The following NFIC variants were observed in gnomAD, a reference collection of about 807,000 sequenced individuals.
NFIC encodes the protein nuclear factor 1 C-type.
In NFIC, 12 loss-of-function variants were observed where a neutral mutation model predicts 54.4. That is an observed-to-expected ratio of 0.22 (90% CI 0.14 to 0.36). The LOEUF (loss-of-function observed/expected upper bound fraction) is 0.36, where lower values mean the gene tolerates loss of function less well. NFIC is among the 10% of genes least tolerant of loss of function. The pLI is 1.00. For missense variants in NFIC, 575 were observed against 718.2 expected, an observed-to-expected ratio of 0.80 and a Z score of 2.28; for synonymous variants, 322 against 319.2, an observed-to-expected ratio of 1.01 and a Z score of -0.09.
At chr19:3,380,164 C>G (rs774015714) in intron 1 of NFIC, among the ~76,000 whole-genome samples, 17 of 150,280 alleles carry the variant, frequency 1.1e-4, no homozygotes, top group Non-Finnish European at 2.2e-4. Flanking sequence ...CCACGCCCGG[C>G]TAATTTTTTT....
At chr19:3,435,520 ACT>A (rs1599684433) in intron 6 of NFIC, among the ~76,000 whole-genome samples, 1 of 151,956 alleles carries the variant, frequency 6.6e-6, no homozygotes, top group Non-Finnish European at 1.5e-5. Flanking sequence ...CTCAGTAGTG[ACT>A]CTGATCAACA....
At chr19:3,388,322 G>T (rs934604160) in intron 2 of NFIC, among the ~76,000 whole-genome samples, 2 of 152,112 alleles carry the variant, frequency 1.3e-5, no homozygotes, top group Non-Finnish European at 2.9e-5. Flanking sequence ...AACACACATG[G>T]CGTGCCCTCT....
rs925353941 is a variant in NFIC at position 3,370,869 on chromosome 19, G to A, written c.30+4203G>A. On this transcript the variant is annotated intron_variant, in intron 1 of 10. Coordinates refer to ENST00000443272, the MANE Select transcript of NFIC (RefSeq NM_001245002.2). The surrounding 1 kb of genome is among the most constrained non-coding windows in gnomAD (Gnocchi z 5.2). ...CCACTCTCCTGCCTGTGTCCACGCC[G>A]ACCTCACCTGGGTGCCCATCTGCCC... Among the ~76,000 whole-genome samples the A allele has an allele frequency of 6.6e-6, 1 of 151,972 alleles. No homozygotes were observed. The highest frequency in any genetic ancestry group is 2.4e-5 in the African/African-American group (1 of 41,412).
intron 1 of NFIC, among the ~76,000 whole-genome samples, chr19:3,377,533 CTT>C (rs1364074630): frequency 6.6e-6 from 1 of 151,994 alleles, no homozygotes; most frequent in Non-Finnish European, 1.5e-5. Flanking sequence ...TTTTGCTTCT[CTT>C]TCTCTTCTTG....
At chr19:3,382,492 A>T (rs207476984) in intron 2 of NFIC, among the ~76,000 whole-genome samples, 1 of 147,820 alleles carries the variant, frequency 6.8e-6, no homozygotes, top group Non-Finnish European at 1.5e-5. Flanking sequence ...GAGAATATGT[A>T]AAGTAGGTGA....
At position 3,429,132 on chromosome 19, in the gene NFIC, A is replaced by AAT. The variant is rs766794936; in HGVS notation, c.634+3959_634+3960dup. On this transcript the variant is annotated intron_variant, in intron 3 of 10. Coordinates refer to ENST00000443272, the MANE Select transcript of NFIC (RefSeq NM_001245002.2). Reference sequence around the variant, plus strand: ...AGACCCTATCTCTACCCAAAAAAAAAATATACACACACACACACACACACA... The same window carrying AAT: ...AGACCCTATCTCTACCCAAAAAAAAAATATATACACACACACACACACACACA... 4.2e-3 allele frequency among the ~76,000 whole-genome samples: 285 copies of AAT among 67,434 alleles called. 8 individuals are homozygous for AAT. Among genetic ancestry groups the AAT allele is most frequent in the African/African-American group, 0.019 (275 of 14,808 alleles). The allele number at this position is 67,434 out of a possible 152,430, so 44.2% of individuals were successfully genotyped here.
chr19:3,382,653 TGTG>T (rs1453272208), intron 2 of NFIC, among the ~76,000 whole-genome samples: 4 of 130,586 alleles, frequency 3.1e-5, no homozygotes, highest in Admixed American at 1.5e-4. Context: ...GTAGATGTGA[TGTG>T]GTGGTCCAAG....
chr19:3,462,647 G>A, intron 10 of NFIC, 105 bp from the exon 11 acceptor site: 1 of 1,287,674 alleles, frequency 7.8e-7, no homozygotes, highest in Non-Finnish European at 1.1e-6. Context: ...CAGGAGGTGG[G>A]GGGTGAGCGT....
intron 2 of NFIC, among the ~76,000 whole-genome samples, chr19:3,421,112 A>G (rs2081947703): frequency 6.6e-6 from 1 of 152,228 alleles, no homozygotes; most frequent in African/African-American, 2.4e-5. Flanking sequence ...GAGAAGAGTG[A>G]GGCGCGGATG....
intron 2 of NFIC, among the ~76,000 whole-genome samples, chr19:3,407,462 GTC>G (rs1045065575): frequency 6.0e-5 from 9 of 149,996 alleles, no homozygotes; most frequent in African/African-American, 1.5e-4. Context: ...TTGAGATGGA[GTC>G]TCGCTCTGTC....
At chr19:3,419,680 T>C (rs2081922466) in intron 2 of NFIC, among the ~76,000 whole-genome samples, 1 of 151,738 alleles carries the variant, frequency 6.6e-6, no homozygotes, top group Non-Finnish European at 1.5e-5. Flanking sequence ...ACACCTGTAA[T>C]CTCAGCTACT....
chr19:3,381,395 C>CAA (rs71164686), intron 1 of NFIC, among the ~76,000 whole-genome samples: 3 of 100,918 alleles, frequency 3.0e-5, no homozygotes, highest in Non-Finnish European at 6.1e-5. Flanking sequence ...GACTCCGTCT[C>CAA]AAAAAAAAAA....
rs867407953 is a variant in NFIC, at chr19:3,459,701, G to A, written c.1510-3051G>A. ...AGGAGGGAGGAAGGGCTGAGGGGAG[G>A]CTGGTCCACCACGGGGAGGGTCACG... is the stretch of plus-strand genomic sequence containing the variant. On this transcript the variant is annotated intron_variant, in intron 10 of 10. Transcript: ENST00000443272. This position sits in a 1 kb window ranked among gnomAD's most constrained non-coding sequence, Gnocchi z 4.2. Among the ~76,000 whole-genome samples the A allele has an allele frequency of 3.3e-5, 5 of 152,216 alleles. 1 individual carries two copies. The South Asian group carries it at 8.3e-4, about 25-fold the overall frequency.
At chr19:3,377,782 T>G (rs2081134243) in intron 1 of NFIC, among the ~76,000 whole-genome samples, 1 of 151,944 alleles carries the variant, frequency 6.6e-6, no homozygotes, top group Admixed American at 6.6e-5. Context: ...TATGCCCAAC[T>G]AATTATTTTT....
At chr19:3,385,531 A>G (rs1599587896) in intron 2 of NFIC, among the ~76,000 whole-genome samples, 1 of 136,124 alleles carries the variant, frequency 7.3e-6, no homozygotes, top group Non-Finnish European at 1.6e-5. Context: ...TTTGTTTGTT[A>G]TTATTGGTTT....
At chr19:3,447,484 A>T (rs546404587) in intron 6 of NFIC, among the ~76,000 whole-genome samples, 1 of 152,226 alleles carries the variant, frequency 6.6e-6, no homozygotes, top group Non-Finnish European at 1.5e-5. Flanking sequence ...ACTCACCCCA[A>T]ATAGCAGCAG....
chr19:3,385,733 C>T (rs909449395), intron 2 of NFIC, among the ~76,000 whole-genome samples: 1 of 151,756 alleles, frequency 6.6e-6, no homozygotes, highest in Admixed American at 6.6e-5. Context: ...CCACCACACC[C>T]GGCTAATTTT....
intron 4 of NFIC, among the ~76,000 whole-genome samples, chr19:3,433,907 C>T (rs1344739752): frequency 6.6e-6 from 1 of 152,126 alleles, no homozygotes; most frequent in Non-Finnish European, 1.5e-5. Flanking sequence ...CCCCTCCTGT[C>T]CCCTTGCTTT....
rs1009258457 is a variant in NFIC, at chr19:3,463,021, G to C, written c.*252G>C. On this transcript the variant is annotated 3_prime_UTR_variant, in exon 11 of 11. Transcript: ENST00000443272. ...AGAAGACAAAAGGTAAAGACGCAAC[G>C]TTTCCAACTCTCGGGACGCCAAGGC... 3 of 1,363,214 alleles carry C rather than the reference G, an allele frequency of 2.2e-6. No homozygotes were observed. The highest frequency in any genetic ancestry group is 7.0e-5 in the Admixed American group (2 of 28,384). The allele number at this position is 1,363,214 out of a possible 1,614,324, so 84.4% of individuals were successfully genotyped here.
Sources: allele counts gnomAD v4.1 joint callset (sites outside exome capture counted in the v4.1 genomes callset), GRCh38; gene constraint gnomAD v4.1.1; non-coding constraint Gnocchi (gnomAD v3.1); transcripts MANE v1.5; gene names NCBI Gene and HGNC (gene_info 2026-07-23, HGNC 2026-07-21).